Variants in AFG2A observed in about 807,000 individuals in gnomAD.
The protein encoded by AFG2A is AAA ATPase AFG2A.
chr4:123,056,518 G>C, the AFG2A span: 1 of 1,255,826 alleles, frequency 8.0e-7, no homozygotes, highest in Non-Finnish European at 1.1e-6. Flanking sequence ...TTTTGTTTTA[G>C]GTAACAGACT....
At chr4:123,262,463 T>G in the AFG2A span, among the ~76,000 whole-genome samples, 1 of 152,208 alleles carries the variant, frequency 6.6e-6, no homozygotes, top group African/African-American at 2.4e-5. Context: ...TCAGTTCCAC[T>G]TGAAGGACTC....
chr4:122,997,892 T>G, the AFG2A span, among the ~76,000 whole-genome samples: 1 of 152,198 alleles, frequency 6.6e-6, no homozygotes, highest in Admixed American at 6.5e-5. Flanking sequence ...CCTAAATGAC[T>G]AATGATGTTG....
At chr4:123,302,278 C>G in the AFG2A span, among the ~76,000 whole-genome samples, 1 of 152,150 alleles carries the variant, frequency 6.6e-6, no homozygotes, top group African/African-American at 2.4e-5. Flanking sequence ...CAGGACCAAC[C>G]TCAAGCTCTC....
the AFG2A span, among the ~76,000 whole-genome samples, chr4:122,951,854 G>T: frequency 1.3e-5 from 2 of 152,188 alleles, no homozygotes; most frequent in African/African-American, 4.8e-5. Flanking sequence ...TGTCTATCCT[G>T]TATGAAGGAG....
At chr4:123,011,997 G>A in the AFG2A span, among the ~76,000 whole-genome samples, 3 of 143,606 alleles carry the variant, frequency 2.1e-5, no homozygotes, top group Admixed American at 6.9e-5. Context: ...CAGGAAAGTG[G>A]AGAAGGGGTG....
the AFG2A span, among the ~76,000 whole-genome samples, chr4:122,933,058 T>TAAC: frequency 6.6e-6 from 1 of 152,230 alleles, no homozygotes; most frequent in East Asian, 1.9e-4. Context: ...CTCATATGTG[T>TAAC]GCATGTGTGT....
At chr4:122,978,117 T>C in the AFG2A span, among the ~76,000 whole-genome samples, 2 of 151,740 alleles carry the variant, frequency 1.3e-5, no homozygotes, top group Non-Finnish European at 2.9e-5. Context: ...TCCCAGCTAG[T>C]GTCCAGTTCT....
At chr4:122,929,047 C>G in the AFG2A span, 2 of 1,613,270 alleles carry the variant, frequency 1.2e-6, no homozygotes, top group South Asian at 2.2e-5. Context: ...CAGGTGTATA[C>G]AGCCTGGCCT....
the AFG2A span, among the ~76,000 whole-genome samples, chr4:123,033,915 TG>T: frequency 6.6e-6 from 1 of 152,058 alleles, no homozygotes; most frequent in Non-Finnish European, 1.5e-5. Context: ...TCCTTGAGTG[TG>T]GGCTTCTTTC....
the AFG2A span, among the ~76,000 whole-genome samples, chr4:122,923,972 A>G: frequency 1.3e-5 from 2 of 152,230 alleles, no homozygotes; most frequent in Non-Finnish European, 2.9e-5. Context: ...TTGATTTGGG[A>G]GAACGTATTT....
the AFG2A span, among the ~76,000 whole-genome samples, chr4:123,190,146 A>C: frequency 6.6e-6 from 1 of 152,134 alleles, no homozygotes; most frequent in African/African-American, 2.4e-5. Context: ...TGGTCCTGGG[A>C]ACTTTACAAC....
chr4:123,224,123 T>C, the AFG2A span, among the ~76,000 whole-genome samples: 30 of 152,178 alleles, frequency 2.0e-4, no homozygotes, highest in Non-Finnish European at 3.5e-4. Flanking sequence ...TCCAATTTCA[T>C]TGTTTTGTTT....
At chr4:123,201,414 A>G in the AFG2A span, among the ~76,000 whole-genome samples, 2 of 152,238 alleles carry the variant, frequency 1.3e-5, no homozygotes, top group African/African-American at 4.8e-5. Flanking sequence ...CTAGATGAAT[A>G]GAGATATTTG....
chr4:123,082,500 C>G, the AFG2A span, among the ~76,000 whole-genome samples: 1 of 145,566 alleles, frequency 6.9e-6, no homozygotes, highest in Non-Finnish European at 1.5e-5. Context: ...TTGTGTGTGT[C>G]TCTGTCTCTC....
At chr4:123,067,848 C>T in the AFG2A span, among the ~76,000 whole-genome samples, 2 of 152,098 alleles carry the variant, frequency 1.3e-5, no homozygotes, top group African/African-American at 4.8e-5. Context: ...TGCTATTCAT[C>T]TCTGTTGCTA....
At chr4:123,298,920 G>A in the AFG2A span, among the ~76,000 whole-genome samples, 4 of 152,240 alleles carry the variant, frequency 2.6e-5, no homozygotes, top group South Asian at 2.1e-4. Context: ...GTAAAATCTC[G>A]TTTTATTACA....
the AFG2A span, among the ~76,000 whole-genome samples, chr4:122,961,725 G>A: frequency 6.6e-6 from 1 of 152,132 alleles, no homozygotes; most frequent in Non-Finnish European, 1.5e-5. Flanking sequence ...GTTTGGTCCT[G>A]AATTCCTGAC....
At chr4:123,263,329 G>GC in the AFG2A span, among the ~76,000 whole-genome samples, 1 of 152,006 alleles carries the variant, frequency 6.6e-6, no homozygotes, top group Non-Finnish European at 1.5e-5. Flanking sequence ...GCCCCTATTT[G>GC]CCCCCCTTGG....
At chr4:123,109,187 A>G in the AFG2A span, among the ~76,000 whole-genome samples, 6 of 152,164 alleles carry the variant, frequency 3.9e-5, no homozygotes, top group African/African-American at 1.4e-4. Flanking sequence ...TTGTTAGACA[A>G]TTAGAATTGA....
Sources: gnomAD v4.1 joint callset for allele counts (sites outside exome capture counted in the v4.1 genomes callset) on GRCh38, gnomAD v4.1.1 for gene constraint, MANE v1.5 for transcripts, NCBI Gene and HGNC (gene_info 2026-07-23, HGNC 2026-07-21) for gene names.